The following WWOX variants were observed in gnomAD, a reference collection of about 807,000 sequenced individuals.
WWOX encodes the protein WW domain-containing oxidoreductase.
Under a neutral mutation model 46.2 loss-of-function variants are expected in WWOX, and 69 were observed. The ratio of observed to expected loss-of-function variants is 1.49; its 90% confidence interval spans 1.23 to 1.82. The LOEUF (loss-of-function observed/expected upper bound fraction) is 1.82. Among genes scored for constraint, WWOX ranks in the 40% most tolerant of loss-of-function variants. The pLI, the probability that WWOX is intolerant of heterozygous loss-of-function variation, is 0.00. For missense variants in WWOX, 919 were observed against 542.6 expected (o/e 1.69, Z -6.89); for synonymous variants, 359 against 202.6 (o/e 1.77, Z -6.56).
At chr16:78,948,544 T>A (rs1439998072) in intron 8 of WWOX, among the ~76,000 whole-genome samples, 1 of 152,098 alleles carries the variant, frequency 6.6e-6, no homozygotes, top group East Asian at 1.9e-4. Context: ...GATTGGTAGG[T>A]GCCCATGACA....
chr16:78,595,069 G>T (rs1446873187), intron 8 of WWOX, among the ~76,000 whole-genome samples: 1 of 152,188 alleles, frequency 6.6e-6, no homozygotes, highest in African/African-American at 2.4e-5. Flanking sequence ...GGACCCCAGG[G>T]TGGAAGCTGC....
At chr16:79,100,138 C>G (rs1240725785) in intron 8 of WWOX, among the ~76,000 whole-genome samples, 1 of 152,116 alleles carries the variant, frequency 6.6e-6, no homozygotes, top group East Asian at 1.9e-4. Flanking sequence ...AAAATACTGT[C>G]CCAGCAACAC....
chr16:78,810,034 G>C (rs2051145896), intron 8 of WWOX, among the ~76,000 whole-genome samples: 1 of 152,188 alleles, frequency 6.6e-6, no homozygotes, highest in African/African-American at 2.4e-5. Flanking sequence ...AAATGTTGAA[G>C]TTTCCATTTT....
chr16:78,887,364 C>A (rs1170458268), intron 8 of WWOX, among the ~76,000 whole-genome samples: 1 of 151,832 alleles, frequency 6.6e-6, no homozygotes, highest in Non-Finnish European at 1.5e-5. Flanking sequence ...CAACTCCCCA[C>A]GTTTTGGAAT....
chr16:78,445,483 T>G (rs2083538686), intron 8 of WWOX, among the ~76,000 whole-genome samples: 1 of 152,186 alleles, frequency 6.6e-6, no homozygotes, highest in African/African-American at 2.4e-5. Context: ...GGAAGACAGA[T>G]GATAGGCATG....
intron 8 of WWOX, chr16:79,101,371 C>T (rs537022625): frequency 7.2e-5 from 11 of 152,222 alleles, no homozygotes; most frequent in East Asian, 5.8e-4. Flanking sequence ...GGATTTAACA[C>T]GTCAGGTAAG....
intron 8 of WWOX, among the ~76,000 whole-genome samples, chr16:79,051,597 T>G (rs1170728829): frequency 1.3e-5 from 2 of 152,178 alleles, no homozygotes; most frequent in Non-Finnish European, 2.9e-5. Context: ...GCGTCAACAT[T>G]AGTGAACAGC....
At chr16:78,953,847 G>T (rs796236443) in intron 8 of WWOX, among the ~76,000 whole-genome samples, 3 of 152,288 alleles carry the variant, frequency 2.0e-5, no homozygotes, top group African/African-American at 7.2e-5. Context: ...CCACTCTCCT[G>T]TAGCATTTTT....
At chr16:78,796,977 C>A (rs905244432) in intron 8 of WWOX, among the ~76,000 whole-genome samples, 1 of 152,094 alleles carries the variant, frequency 6.6e-6, no homozygotes, top group East Asian at 1.9e-4. Flanking sequence ...AGGCATGAGC[C>A]ACCATGCCTG....
At chr16:78,605,089 T>A (rs948562759) in intron 8 of WWOX, among the ~76,000 whole-genome samples, 4 of 150,090 alleles carry the variant, frequency 2.7e-5, no homozygotes, top group Non-Finnish European at 5.9e-5. Context: ...AGCCCTCAGT[T>A]GGCAAACTTA....
At position 78,516,117 on chromosome 16, in the gene WWOX, C is replaced by A. The variant is rs77235668; in HGVS notation, c.1056+83365C>A. On this transcript the variant is annotated intron_variant, in intron 8 of 8. Transcript: ENST00000566780. ...CAAATGAATAGCAAGAAAAATAGTT[C>A]TTGGCGTGCCCCTTTCTTTCCGCAG... 4.6e-5 allele frequency among the ~76,000 whole-genome samples: 7 copies of A among 152,238 alleles called. No homozygotes were observed. In the East Asian group the frequency reaches 1.2e-3, roughly 25 times the overall value.
intron 8 of WWOX, among the ~76,000 whole-genome samples, chr16:78,936,219 G>C (rs1468344059): frequency 6.6e-6 from 1 of 152,096 alleles, no homozygotes; most frequent in Non-Finnish European, 1.5e-5. Flanking sequence ...TTTAATGGTT[G>C]ACTTTTGGTA....
In WWOX at chr16:79,003,270, A is replaced by G. The variant is rs190866970; in HGVS notation, c.1057-208338A>G. On this transcript the variant is annotated intron_variant, in intron 8 of 8. Coordinates refer to ENST00000566780, the MANE Select transcript of WWOX (RefSeq NM_016373.4). ...GCATAGTATAAAAATAGGCAATGAAACTGAAAGGCAATCAAAGTCTATTGT... is the reference window on the plus strand; with the variant it reads ...GCATAGTATAAAAATAGGCAATGAAGCTGAAAGGCAATCAAAGTCTATTGT... Among the ~76,000 whole-genome samples, 21 of 152,294 alleles carry G rather than the reference A, an allele frequency of 1.4e-4. No homozygotes were observed. The East Asian group carries it at 3.5e-3, about 25-fold the overall frequency.
At chr16:78,921,770 A>C (rs1322449811) in intron 8 of WWOX, among the ~76,000 whole-genome samples, 2 of 152,216 alleles carry the variant, frequency 1.3e-5, no homozygotes, top group African/African-American at 4.8e-5. Context: ...GCAAGTTAGA[A>C]GGCATGATGC....
intron 8 of WWOX, among the ~76,000 whole-genome samples, chr16:79,044,804 G>T (rs1223113063): frequency 6.6e-6 from 1 of 152,238 alleles, no homozygotes; most frequent in East Asian, 1.9e-4. Flanking sequence ...GGATCTTAAA[G>T]TCCAACCTCA....
chr16:78,730,147 T>C (rs1287930368), intron 8 of WWOX, among the ~76,000 whole-genome samples: 13 of 152,182 alleles, frequency 8.5e-5, no homozygotes. Context: ...TGAAACTACT[T>C]GGGCAAGAAT....
intron 8 of WWOX, among the ~76,000 whole-genome samples, chr16:78,489,638 C>T (rs2084729781): frequency 6.6e-6 from 1 of 152,050 alleles, no homozygotes; most frequent in African/African-American, 2.4e-5. Flanking sequence ...TCTTTGTGAC[C>T]TGATAGTCTT....
intron 8 of WWOX, among the ~76,000 whole-genome samples, chr16:78,672,902 A>G (rs939322421): frequency 6.6e-6 from 1 of 152,198 alleles, no homozygotes; most frequent in Non-Finnish European, 1.5e-5. Flanking sequence ...CATCCTGATA[A>G]ATGCTGTGCC....
chr16:78,501,342 T>A (rs1389557542), intron 8 of WWOX, among the ~76,000 whole-genome samples: 1 of 151,906 alleles, frequency 6.6e-6, no homozygotes, highest in Non-Finnish European at 1.5e-5. Context: ...ATCTTCAGAT[T>A]TTCAAGAGCT....
Sources: allele counts gnomAD v4.1 joint callset (sites outside exome capture counted in the v4.1 genomes callset), GRCh38; gene constraint gnomAD v4.1.1; transcripts MANE v1.5; gene names NCBI Gene and HGNC (gene_info 2026-07-23, HGNC 2026-07-21).